ARL15: variants seen among roughly 807,000 people sequenced by gnomAD.
The protein encoded by ARL15 is ARF like GTPase 15.
In ARL15, 19 loss-of-function variants were observed where a neutral mutation model predicts 25.2. The observed-to-expected ratio is 0.75, with a 90% CI of 0.53 to 1.10. The LOEUF is 1.10. ARL15 is among the 50% of genes least tolerant of loss of function. The probability of loss-of-function intolerance (pLI) is 0.00; values close to 1 mark genes in which losing one functional copy is unlikely to be tolerated. For synonymous variants in ARL15, 94 were observed against 86.8 expected, an observed-to-expected ratio of 1.08 and a Z score of -0.46; for missense variants, 220 against 246.0, an observed-to-expected ratio of 0.89 and a Z score of 0.71.
intron 4 of ARL15, among the ~76,000 whole-genome samples, chr5:54,023,302 T>G (rs1652743733): frequency 2.3e-5 from 1 of 42,846 alleles, no homozygotes; most frequent in Non-Finnish European, 5.5e-5. Context: ...CAGACACATT[T>G]AAAAATATTA....
chr5:54,021,724 G>A (rs1179724278), intron 4 of ARL15, among the ~76,000 whole-genome samples: 1 of 152,110 alleles, frequency 6.6e-6, no homozygotes, highest in Non-Finnish European at 1.5e-5. Flanking sequence ...AAGAAACAAT[G>A]GCTGAAAATA....
intron 3 of ARL15, among the ~76,000 whole-genome samples, chr5:54,118,231 G>A (rs896755138): frequency 6.6e-6 from 1 of 152,066 alleles, no homozygotes; most frequent in Non-Finnish European, 1.5e-5. Context: ...ACTTAAAAAG[G>A]TTATTAAATC....
intron 4 of ARL15, among the ~76,000 whole-genome samples, chr5:54,054,585 T>C (rs1199929465): frequency 6.6e-6 from 1 of 152,078 alleles, no homozygotes; most frequent in Non-Finnish European, 1.5e-5. Context: ...GGTCAGGAGA[T>C]CAAGACCATC....
intron 1 of ARL15, among the ~76,000 whole-genome samples, chr5:54,288,287 T>C (rs566322402): frequency 6.6e-6 from 1 of 152,228 alleles, no homozygotes; most frequent in African/African-American, 2.4e-5. Flanking sequence ...ATATAATTAG[T>C]AAGTCTTACA....
chr5:54,199,261 C>G (rs1319337036), intron 1 of ARL15, among the ~76,000 whole-genome samples: 2 of 151,968 alleles, frequency 1.3e-5, no homozygotes, highest in African/African-American at 4.8e-5. Context: ...TCTAGAACAC[C>G]AAAAGCAATG....
At chr5:53,948,988 G>A (rs889984190) in intron 4 of ARL15, among the ~76,000 whole-genome samples, 1 of 152,126 alleles carries the variant, frequency 6.6e-6, no homozygotes, top group African/African-American at 2.4e-5. Flanking sequence ...CACTTTAGTC[G>A]TAAAGTTTTT....
At chr5:54,041,658 T>C (rs779864231) in intron 4 of ARL15, among the ~76,000 whole-genome samples, 20 of 152,240 alleles carry the variant, frequency 1.3e-4, no homozygotes, top group Non-Finnish European at 2.4e-4. Flanking sequence ...ACCAGTTCCA[T>C]TGCTGGATAG....
rs146424660 is a variant in ARL15, at chr5:54,170,515, T to C, written c.193+1269A>G. On this transcript the variant is annotated intron_variant, in intron 2 of 4. Transcript: ENST00000504924. Reference sequence around the variant, plus strand: ...CCACCACTGAATACAATTTGTCTCCTGGCACTCTATTAAACATACACTGCA... The same window carrying C: ...CCACCACTGAATACAATTTGTCTCCCGGCACTCTATTAAACATACACTGCA... Among the ~76,000 whole-genome samples the C allele has an allele frequency of 8.4e-4, 128 of 152,334 alleles. 1 individual carries two copies. In the Middle Eastern group the frequency reaches 0.01, roughly 12 times the overall value.
At chr5:54,026,027 C>T (rs1306641771) in intron 4 of ARL15, among the ~76,000 whole-genome samples, 3 of 152,108 alleles carry the variant, frequency 2.0e-5, no homozygotes, top group Non-Finnish European at 4.4e-5. Context: ...ATTTTTAGTA[C>T]CAAGGTGATG....
chr5:53,907,321 T>C (rs768515251), intron 4 of ARL15, among the ~76,000 whole-genome samples: 37 of 151,248 alleles, frequency 2.4e-4, no homozygotes, highest in Non-Finnish European at 5.0e-4. Flanking sequence ...ATATCTATAG[T>C]TACTGGTCTT....
At chr5:54,241,752 T>C (rs765897004) in intron 1 of ARL15, among the ~76,000 whole-genome samples, 1 of 152,182 alleles carries the variant, frequency 6.6e-6, no homozygotes, top group African/African-American at 2.4e-5. Flanking sequence ...TTAAAAAACA[T>C]GAGCACATCT....
At chr5:54,199,536 T>C (rs1467064869) in intron 1 of ARL15, among the ~76,000 whole-genome samples, 3 of 151,632 alleles carry the variant, frequency 2.0e-5, no homozygotes, top group Admixed American at 2.0e-4. Flanking sequence ...AAAAAACACA[T>C]GAAAAAATGC....
At chr5:53,902,749 G>C (rs1745109783) in intron 4 of ARL15, among the ~76,000 whole-genome samples, 1 of 152,164 alleles carries the variant, frequency 6.6e-6, no homozygotes, top group African/African-American at 2.4e-5. Context: ...CCGTCCAGAT[G>C]CAGAGATATT....
intron 4 of ARL15, among the ~76,000 whole-genome samples, chr5:53,990,563 T>A (rs1261583305): frequency 6.6e-6 from 1 of 152,170 alleles, no homozygotes; most frequent in Non-Finnish European, 1.5e-5. Context: ...CTAAGCTTGG[T>A]GCGTTCAAAG....
intron 4 of ARL15, among the ~76,000 whole-genome samples, chr5:53,942,896 T>C (rs949682177): frequency 6.6e-6 from 1 of 152,098 alleles, no homozygotes; most frequent in African/African-American, 2.4e-5. Flanking sequence ...CAGCCACCAG[T>C]GATGAAAGTG....
chr5:53,887,220 TCTCA>T (rs1744556552), intron 4 of ARL15: 1 of 583,814 alleles, frequency 1.7e-6, no homozygotes, highest in African/African-American at 1.9e-5. Flanking sequence ...TCTCTTTCTC[TCTCA>T]AATTTCTAGT....
At chr5:54,080,158 C>T (rs904728799) in intron 4 of ARL15, among the ~76,000 whole-genome samples, 6 of 152,154 alleles carry the variant, frequency 3.9e-5, no homozygotes, top group Admixed American at 3.9e-4. Context: ...TAATCACTTT[C>T]AATAAAACAC....
intron 1 of ARL15, among the ~76,000 whole-genome samples, chr5:54,180,413 T>C (rs1315212050): frequency 6.6e-6 from 1 of 152,140 alleles, no homozygotes; most frequent in Non-Finnish European, 1.5e-5. Context: ...ATGGCATCTA[T>C]AGCAAGAAAA....
intron 4 of ARL15, among the ~76,000 whole-genome samples, chr5:54,036,434 T>C (rs1339101522): frequency 6.6e-6 from 1 of 152,210 alleles, no homozygotes; most frequent in African/African-American, 2.4e-5. Context: ...TTTCTACTTC[T>C]ACATTTCTAC....
Sources: gnomAD v4.1 joint callset for allele counts (sites outside exome capture counted in the v4.1 genomes callset) on GRCh38, gnomAD v4.1.1 for gene constraint, MANE v1.5 for transcripts, NCBI Gene and HGNC (gene_info 2026-07-23, HGNC 2026-07-21) for gene names.